Variants in SOX6 observed in about 807,000 individuals in gnomAD.
SOX6 encodes the protein transcription factor SOX-6.
In SOX6, 11 loss-of-function variants were observed where a neutral mutation model predicts 97.8. The observed-to-expected ratio is 0.11, with a 90% CI of 0.07 to 0.19. SOX6 has a LOEUF of 0.19. Among genes scored for constraint, SOX6 ranks in the 10% least tolerant of loss-of-function variants. SOX6 has a pLI of 1.00. For missense variants in SOX6, 810 were observed against 1,039.5 expected, an observed-to-expected ratio of 0.78 and a Z score of 3.04; for synonymous variants, 360 against 371.4, an observed-to-expected ratio of 0.97 and a Z score of 0.35.
At chr11:16,723,779 C>A (rs1564877996) in intron 2 of SOX6, among the ~76,000 whole-genome samples, 2 of 152,096 alleles carry the variant, frequency 1.3e-5, no homozygotes, top group Non-Finnish European at 2.9e-5. Flanking sequence ...GAGACTCCAA[C>A]TCAAAAAATA....
chr11:16,606,032 T>C (rs1441494963), intron 4 of SOX6: 1 of 152,056 alleles, frequency 6.6e-6, no homozygotes, highest in African/African-American at 2.4e-5. Context: ...ATTTATGGCT[T>C]ATGCATTCTT....
chr11:16,721,009 G>A (rs913414693), intron 2 of SOX6, among the ~76,000 whole-genome samples: 4 of 152,164 alleles, frequency 2.6e-5, no homozygotes, highest in African/African-American at 9.7e-5. Flanking sequence ...GAAATAGACT[G>A]TAGCACCAAT....
At chr11:16,665,051 C>A (rs1590044253) in intron 3 of SOX6, among the ~76,000 whole-genome samples, 1 of 152,010 alleles carries the variant, frequency 6.6e-6, no homozygotes, top group African/African-American at 2.4e-5. Flanking sequence ...CAGGGGTAAC[C>A]AGACAGTATT....
chr11:16,586,509 A>G (rs1027235074), intron 4 of SOX6, among the ~76,000 whole-genome samples: 18 of 152,138 alleles, frequency 1.2e-4, no homozygotes, highest in African/African-American at 3.9e-4. Context: ...AGAAGAAAAA[A>G]GATAGCCTGG....
At chr11:16,655,734 G>C (rs1290685435) in intron 3 of SOX6, among the ~76,000 whole-genome samples, 2 of 152,108 alleles carry the variant, frequency 1.3e-5, no homozygotes, top group Non-Finnish European at 2.9e-5. Context: ...CACTGGCTCT[G>C]TCATGTTTTT....
At chr11:16,061,358 G>A (rs1847948408) in intron 9 of SOX6, among the ~76,000 whole-genome samples, 1 of 148,426 alleles carries the variant, frequency 6.7e-6, no homozygotes, top group Non-Finnish European at 1.5e-5. Context: ...TCTGTACAAG[G>A]AAAACTATAG....
At chr11:16,441,462 G>A (rs578007409) in intron 1 of SOX6, among the ~76,000 whole-genome samples, 46 of 152,082 alleles carry the variant, frequency 3.0e-4, no homozygotes, top group Non-Finnish European at 5.7e-4. Flanking sequence ...TGTATTGAGA[G>A]GTCAGCACCT....
At chr11:16,214,540 A>T (rs1354421283) in intron 4 of SOX6, among the ~76,000 whole-genome samples, 1 of 152,074 alleles carries the variant, frequency 6.6e-6, no homozygotes, top group Non-Finnish European at 1.5e-5. Context: ...GATCCCTTAG[A>T]GTGACTCAAC....
At chr11:16,089,587 T>C (rs1848640982) in intron 9 of SOX6, among the ~76,000 whole-genome samples, 1 of 152,098 alleles carries the variant, frequency 6.6e-6, no homozygotes, top group Admixed American at 6.6e-5. Context: ...AATCAGTACA[T>C]TGAGTTTAAA....
chr11:16,558,365 C>A (rs1244845507), intron 4 of SOX6, among the ~76,000 whole-genome samples: 1 of 151,944 alleles, frequency 6.6e-6, no homozygotes, highest in Non-Finnish European at 1.5e-5. Flanking sequence ...GAAAGACATT[C>A]TGCCTCTTTC....
rs533207449 is a variant in SOX6 at position 16,159,941 on chromosome 11, G to A, written c.777+23945C>T. Among the ~76,000 whole-genome samples, 15 of 152,194 alleles carry A rather than the reference G, an allele frequency of 9.9e-5. No homozygotes were observed. In the South Asian group the frequency reaches 1.2e-3, roughly 13 times the overall value. ...CAGATTTTTTCATAACAGTTCTGCC[G>A]TAGACAAAGTCATGGGGTGGGAAAC... On this transcript the variant is annotated intron_variant, in intron 6 of 15. Coordinates refer to ENST00000683767, the MANE Select transcript of SOX6 (RefSeq NM_001367873.1).
intron 1 of SOX6, among the ~76,000 whole-genome samples, chr11:16,437,271 T>G (rs1180995883): frequency 3.0e-5 from 2 of 66,172 alleles, no homozygotes; most frequent in African/African-American, 1.5e-4. Context: ...CCTGTCTCTA[T>G]TTTTTTTTTT....
intron 1 of SOX6, among the ~76,000 whole-genome samples, chr11:16,438,659 T>C (rs968654672): frequency 6.6e-6 from 1 of 151,800 alleles, no homozygotes; most frequent in Admixed American, 6.6e-5. Context: ...GGATCTGATC[T>C]ACCTATCTCT....
chr11:16,494,031 G>A (rs1860554195), intron 4 of SOX6, among the ~76,000 whole-genome samples: 1 of 152,152 alleles, frequency 6.6e-6, no homozygotes, highest in South Asian at 2.1e-4. Context: ...AATGAAGACA[G>A]GTTAAATATG....
At chr11:16,522,388 T>A (rs1861083258) in intron 4 of SOX6, among the ~76,000 whole-genome samples, 1 of 152,060 alleles carries the variant, frequency 6.6e-6, no homozygotes, top group African/African-American at 2.4e-5. Flanking sequence ...CTAAGCTTCA[T>A]AAGTGAAGGA....
chr11:16,512,264 T>A (rs1860892852), intron 4 of SOX6, among the ~76,000 whole-genome samples: 1 of 152,194 alleles, frequency 6.6e-6, no homozygotes, highest in South Asian at 2.1e-4. Context: ...CTTAACTTTT[T>A]AAGAGAAATA....
At chr11:16,432,962 G>C (rs936604827) in intron 1 of SOX6, among the ~76,000 whole-genome samples, 26 of 151,990 alleles carry the variant, frequency 1.7e-4, no homozygotes, top group African/African-American at 6.3e-4. Flanking sequence ...GGGGCTTGCT[G>C]TACAGCCAGT....
At chr11:16,480,869 A>T (rs921675304), upstream of SOX6, among the ~76,000 whole-genome samples, 2 of 152,174 alleles carry the variant, frequency 1.3e-5, no homozygotes, top group African/African-American at 4.8e-5. Flanking sequence ...ATAACTTTTT[A>T]AAATTTATTG....
intron 4 of SOX6, among the ~76,000 whole-genome samples, chr11:16,568,843 C>T (rs1252638351): frequency 2.0e-5 from 3 of 152,144 alleles, no homozygotes; most frequent in Admixed American, 2.0e-4. Flanking sequence ...CTTACTCTCC[C>T]AAATGCATCT....
Sources: gnomAD v4.1 joint callset for allele counts (sites outside exome capture counted in the v4.1 genomes callset) on GRCh38, gnomAD v4.1.1 for gene constraint, MANE v1.5 for transcripts, NCBI Gene and HGNC (gene_info 2026-07-23, HGNC 2026-07-21) for gene names.